SFI1: variants seen among roughly 807,000 people sequenced by gnomAD.
SFI1 encodes protein SFI1 homolog.
A neutral mutation model predicts 207.5 loss-of-function variants in SFI1; 195 were observed. The ratio of observed to expected loss-of-function variants is 0.94; its 90% confidence interval spans 0.84 to 1.06. The LOEUF (loss-of-function observed/expected upper bound fraction) is 1.06, where lower values mean the gene tolerates loss of function less well. Among genes scored for constraint, SFI1 ranks in the 50% least tolerant of loss-of-function variants. The pLI is 0.00. For synonymous variants in SFI1, 630 were observed against 598.9 expected, an observed-to-expected ratio of 1.05 and a Z score of -0.76; for missense variants, 1,634 against 1,588.0, an observed-to-expected ratio of 1.03 and a Z score of -0.49.
intron 11 of SFI1, 137 bp from the exon 12 acceptor site, chr22:31,580,135 G>A: frequency 1.6e-6 from 1 of 632,140 alleles, no homozygotes; most frequent in Non-Finnish European, 2.8e-6. Flanking sequence ...AACACTCAGG[G>A]AGATGGAACA....
intron 1 of SFI1, among the ~76,000 whole-genome samples, chr22:31,504,374 G>A (rs558811954): frequency 1.3e-5 from 2 of 152,214 alleles, no homozygotes; most frequent in South Asian, 2.1e-4. Context: ...AGGATTATTC[G>A]TTTTGTATGG....
At chr22:31,593,917 TG>T (rs1320991795) in intron 15 of SFI1, among the ~76,000 whole-genome samples, 1 of 141,830 alleles carries the variant, frequency 7.1e-6, no homozygotes, top group Non-Finnish European at 1.5e-5. Flanking sequence ...GAGGTTGCAG[TG>T]AGCCGAGATG....
chr22:31,555,353 G>A (rs1412793944), intron 6 of SFI1, among the ~76,000 whole-genome samples: 1 of 152,146 alleles, frequency 6.6e-6, no homozygotes, highest in Non-Finnish European at 1.5e-5. Context: ...GCCAGGTGTG[G>A]TGGTGCATGC....
intron 15 of SFI1, among the ~76,000 whole-genome samples, chr22:31,599,460 GGGACTATA>G (rs2146907595): frequency 6.6e-6 from 1 of 152,048 alleles, no homozygotes; most frequent in Admixed American, 6.5e-5. Flanking sequence ...CCAAGTAGCT[GGGACTATA>G]GGCACACGCC....
intron 8 of SFI1, 107 bp from the exon 9 acceptor site, chr22:31,572,951 A>G: frequency 8.5e-7 from 1 of 1,174,896 alleles, no homozygotes; most frequent in Non-Finnish European, 1.2e-6. Context: ...CCTTGTTTCT[A>G]ATTTCAGCCT....
intron 15 of SFI1, among the ~76,000 whole-genome samples, chr22:31,599,553 A>C (rs1399416276): frequency 6.6e-6 from 1 of 152,148 alleles, no homozygotes; most frequent in African/African-American, 2.4e-5. Flanking sequence ...GATGGTCTCC[A>C]TCTCTTGACC....
Position 31,580,283 on chromosome 22 carries a change from T to C in SFI1, c.1167T>C (p.Phe389=), listed in dbSNP as rs1272820602. 1 of 1,613,904 alleles carries C rather than the reference T, an allele frequency of 6.2e-7. No individual in the cohort carries two copies. Among genetic ancestry groups the C allele is most frequent in the South Asian group, 1.1e-5 (1 of 91,084 alleles). Residue 389 remains phenylalanine, a synonymous_variant, in exon 12 of 33, where the codon TTT becomes TTC. Transcript: ENST00000400288. ...CTTTCTTTGCACAGTATTTTTGCTT[T>C]AGAGCCCTAAAAGACAATGTGACCC... ...HHRHSQLYFC[F]RALKDNVTHA...
chr22:31,607,175 T>TA (rs2147143443), intron 21 of SFI1, among the ~76,000 whole-genome samples: 1 of 152,244 alleles, frequency 6.6e-6, no homozygotes, highest in South Asian at 2.1e-4. Context: ...GAGGCCTTTT[T>TA]GGTGGGAATG....
At position 31,579,914 on chromosome 22, in the gene SFI1, C is replaced by G. The variant is rs577559733; in HGVS notation, c.1156-358C>G. On this transcript the variant is annotated intron_variant, in intron 11 of 32. Coordinates refer to ENST00000400288, the MANE Select transcript of SFI1 (RefSeq NM_001007467.3). ...GTAAAAAAACAAAAACCACCACAGACAAAAAGTCTGTCTTCTCCTGAGAGG... is the reference window on the plus strand; with the variant it reads ...GTAAAAAAACAAAAACCACCACAGAGAAAAAGTCTGTCTTCTCCTGAGAGG... Among the ~76,000 whole-genome samples the G allele has an allele frequency of 9.8e-5, 15 of 152,338 alleles. No individual in the cohort carries two copies. In the South Asian group the frequency reaches 3.1e-3, roughly 32 times the overall value.
Position 31,614,875 on chromosome 22 carries a change from G to A in SFI1, c.3068+15G>A, listed in dbSNP as rs376353699. On this transcript the variant is annotated intron_variant, in intron 28 of 32. Transcript: ENST00000400288. ...CAGAGCCAGAGGTCCCTGGGGTGCA[G>A]CACCGTGGGCAGGCAGGGGGAGATG... The A allele has an allele frequency of 5.0e-6, 8 of 1,612,844 alleles. No homozygotes were observed. The South Asian group carries it at 7.7e-5, about 16-fold the overall frequency.
chr22:31,520,635 A>C (rs1296364953), intron 2 of SFI1, among the ~76,000 whole-genome samples: 3 of 151,990 alleles, frequency 2.0e-5, no homozygotes, highest in Admixed American at 6.6e-5. Context: ...ATGTTTGTTG[A>C]TATAACTTCT....
At chr22:31,525,714 A>G (rs2057827906) in intron 2 of SFI1, among the ~76,000 whole-genome samples, 1 of 134,978 alleles carries the variant, frequency 7.4e-6, no homozygotes, top group South Asian at 2.7e-4. Flanking sequence ...AGACTCTGTC[A>G]TTCATAGATA....
chr22:31,610,452 C>T (rs1276182337), intron 22 of SFI1, among the ~76,000 whole-genome samples: 1 of 152,244 alleles, frequency 6.6e-6, no homozygotes, highest in African/African-American at 2.4e-5. Context: ...GATCTGCCGC[C>T]TTCCCTGCCT....
At chr22:31,611,388 CT>C (rs2070108031) in intron 23 of SFI1, 85 bp downstream of exon 23, 28 of 1,446,754 alleles carry the variant, frequency 1.9e-5, no homozygotes, top group Non-Finnish European at 2.4e-5. Flanking sequence ...AGGAAGGGGT[CT>C]TTCCTGACAG....
chr22:31,529,240 C>A (rs186535937), intron 3 of SFI1, among the ~76,000 whole-genome samples: 2 of 152,322 alleles, frequency 1.3e-5, no homozygotes, highest in East Asian at 3.9e-4. Context: ...TTAGAGACAT[C>A]TGTTTCTTCA....
At chr22:31,533,285 T>G (rs559273564) in intron 4 of SFI1, among the ~76,000 whole-genome samples, 1 of 152,124 alleles carries the variant, frequency 6.6e-6, no homozygotes, top group South Asian at 2.1e-4. Context: ...CCTAGCACTT[T>G]GGGAGGCCAA....
At chr22:31,554,533 C>T (rs1360684054) in intron 6 of SFI1, among the ~76,000 whole-genome samples, 6 of 150,924 alleles carry the variant, frequency 4.0e-5, no homozygotes, top group Non-Finnish European at 5.9e-5. Context: ...TGGTCTTGAT[C>T]TCCTGACCTC....
intron 6 of SFI1, among the ~76,000 whole-genome samples, chr22:31,554,773 A>AT (rs918090110): frequency 4.3e-4 from 64 of 149,060 alleles, no homozygotes; most frequent in South Asian, 3.2e-3. Flanking sequence ...CGCCCGGCTA[A>AT]TTTTTTTTTT....
chr22:31,550,902 A>G (rs1278251238), intron 6 of SFI1, among the ~76,000 whole-genome samples: 1 of 151,974 alleles, frequency 6.6e-6, no homozygotes, highest in African/African-American at 2.4e-5. Context: ...GGTAGCTCAA[A>G]CTCTGCAAGT....
Sources: allele counts gnomAD v4.1 joint callset (sites outside exome capture counted in the v4.1 genomes callset), GRCh38; gene constraint gnomAD v4.1.1; transcripts MANE v1.5; gene names NCBI Gene and HGNC (gene_info 2026-07-23, HGNC 2026-07-21).